The following ARHGAP8 variants were observed in gnomAD, a reference collection of about 807,000 sequenced individuals.
ARHGAP8 encodes the protein rho GTPase-activating protein 8.
ARHGAP8 carries 62 observed loss-of-function variants against 46.1 expected under a neutral mutation model. That is an observed-to-expected ratio of 1.34 (90% CI 1.10 to 1.66). The LOEUF is 1.66. ARHGAP8 is among the 40% of genes most tolerant of loss of function. ARHGAP8 has a pLI of 0.00. For missense variants in ARHGAP8, 923 were observed against 568.4 expected, an observed-to-expected ratio of 1.62 and a Z score of -6.34; for synonymous variants, 375 against 243.1, an observed-to-expected ratio of 1.54 and a Z score of -5.05.
intron 1 of ARHGAP8, among the ~76,000 whole-genome samples, chr22:44,759,643 A>G (rs1924972327): frequency 6.6e-6 from 1 of 152,064 alleles, no homozygotes; most frequent in South Asian, 2.1e-4. Context: ...AGACTCTCAC[A>G]GTGGTTCTGT....
chr22:44,797,298 G>A (rs1308595013), intron 2 of ARHGAP8, among the ~76,000 whole-genome samples: 1 of 143,460 alleles, frequency 7.0e-6, no homozygotes, highest in Non-Finnish European at 1.5e-5. Context: ...TGTTTCTTCA[G>A]TAGCCTTATA....
At chr22:44,849,799 A>G (rs1182110182) in intron 10 of ARHGAP8, 1 of 152,198 alleles carries the variant, frequency 6.6e-6, no homozygotes, top group Non-Finnish European at 1.5e-5. Flanking sequence ...CAAATCTTGA[A>G]TCTTAAAATC....
chr22:44,835,972 C>G (rs926382005), intron 7 of ARHGAP8, among the ~76,000 whole-genome samples: 1 of 152,178 alleles, frequency 6.6e-6, no homozygotes, highest in African/African-American at 2.4e-5. Context: ...GGGTGGGACA[C>G]TGGCCTCCCA....
intron 11 of ARHGAP8, among the ~76,000 whole-genome samples, chr22:44,860,487 G>GC (rs1601536498): frequency 6.6e-6 from 1 of 151,882 alleles, no homozygotes; most frequent in East Asian, 1.9e-4. Flanking sequence ...TGGACCCCCT[G>GC]CCATATGTCA....
chr22:44,837,768 G>T (rs532768747), intron 7 of ARHGAP8, among the ~76,000 whole-genome samples: 1 of 152,100 alleles, frequency 6.6e-6, no homozygotes, highest in East Asian at 1.9e-4. Context: ...ATTCGATGCC[G>T]GGGCCCTGTT....
intron 1 of ARHGAP8, among the ~76,000 whole-genome samples, chr22:44,756,072 C>T (rs999346819): frequency 6.7e-6 from 1 of 150,344 alleles, no homozygotes; most frequent in African/African-American, 2.4e-5. Context: ...TTGTTTAGAG[C>T]CTGCTCCTTC....
At chr22:44,806,683 G>A (rs986557458) in intron 3 of ARHGAP8, among the ~76,000 whole-genome samples, 3 of 152,080 alleles carry the variant, frequency 2.0e-5, no homozygotes, top group East Asian at 1.9e-4. Context: ...GGCCGGGCAC[G>A]GTGGCTCATG....
Position 44,849,015 on chromosome 22 carries a change from C to T in ARHGAP8, c.832C>T (p.Pro278Ser). Reference sequence around the variant, plus strand: ...GACCTTCCTGCGAGAGCTGCCCCAGCCGCTTCTGACCTTCCAGGCCTACGA... The same window carrying T: ...GACCTTCCTGCGAGAGCTGCCCCAGTCGCTTCTGACCTTCCAGGCCTACGA... ...LKTFLRELPQ[P>S]LLTFQAYEQI... Residue 278 changes from proline (P) to serine (S), a missense_variant, in exon 10 of 12, where the codon CCG (proline) becomes TCG (serine). Coordinates refer to ENST00000356099, the MANE Select transcript of ARHGAP8 (RefSeq NM_181335.3). The T allele has an allele frequency of 6.2e-7, 1 of 1,614,032 alleles. No individual in the cohort carries two copies. Among genetic ancestry groups the T allele is most frequent in the Non-Finnish European group, 8.5e-7 (1 of 1,179,934 alleles).
At chr22:44,779,717 G>T (rs1926702120) in intron 1 of ARHGAP8, among the ~76,000 whole-genome samples, 1 of 151,430 alleles carries the variant, frequency 6.6e-6, no homozygotes, top group African/African-American at 2.4e-5. Flanking sequence ...GTGAGCCATG[G>T]GCCACCACGC....
rs779904514 is a variant in ARHGAP8, at chr22:44,862,279, C to A, written c.986C>A (p.Ser329Tyr). The change falls in exon 12 of 12, where the codon TCC becomes TAC. Residue 329 changes from serine (S) to tyrosine (Y), a missense_variant. Coordinates refer to ENST00000356099, the MANE Select transcript of ARHGAP8 (RefSeq NM_181335.3). ...RYLMGFLHAVSRESIFNKMNS... is the reference protein window; with the variant it reads ...RYLMGFLHAVYRESIFNKMNS... ...CTTGTGTGTGGTTTCCTCCAGGTGTCCCGGGAGAGCATCTTCAACAAAATG... is the reference window on the plus strand; with the variant it reads ...CTTGTGTGTGGTTTCCTCCAGGTGTACCGGGAGAGCATCTTCAACAAAATG... 6.3e-7 allele frequency: 1 copy of A among 1,590,140 alleles called. No individual in the cohort carries two copies.
intron 10 of ARHGAP8, chr22:44,850,027 A>G (rs2070055584): frequency 1.3e-5 from 2 of 152,210 alleles, no homozygotes; most frequent in Admixed American, 1.3e-4. Flanking sequence ...AGAAAGACCA[A>G]TTACATGGTT....
chr22:44,791,008 C>T (rs1037091409), intron 2 of ARHGAP8, among the ~76,000 whole-genome samples: 2 of 152,130 alleles, frequency 1.3e-5, no homozygotes, highest in Admixed American at 6.5e-5. Context: ...GCCAGGATTA[C>T]AGGCGTGAGC....
At chr22:44,816,470 A>C (rs1198700040) in intron 5 of ARHGAP8, among the ~76,000 whole-genome samples, 5 of 151,668 alleles carry the variant, frequency 3.3e-5, no homozygotes, top group Non-Finnish European at 7.4e-5. Context: ...TCTTAATGTG[A>C]CTGGTACTCA....
At chr22:44,808,703 C>G (rs533187056) in intron 4 of ARHGAP8, 6 of 627,036 alleles carry the variant, frequency 9.6e-6, no homozygotes, top group Admixed American at 2.2e-5. Context: ...ATGGCTCACA[C>G]CTGTAATCCC....
chr22:44,845,126 A>G, intron 7 of ARHGAP8, 143 bp from the exon 8 acceptor site: 1 of 917,974 alleles, frequency 1.1e-6, no homozygotes, highest in Non-Finnish European at 1.6e-6. Context: ...CTACTTCCTG[A>G]GGGCTGAGCC....
intron 10 of ARHGAP8, among the ~76,000 whole-genome samples, chr22:44,852,215 AAAGG>A (rs2070113777): frequency 1.4e-5 from 2 of 140,452 alleles, no homozygotes; most frequent in East Asian, 2.2e-4. Context: ...AAAAAAAAAA[AAAGG>A]AAGGGAGGAA....
chr22:44,824,001 A>C (rs992268007), intron 6 of ARHGAP8, among the ~76,000 whole-genome samples: 20 of 152,164 alleles, frequency 1.3e-4, no homozygotes, highest in African/African-American at 4.6e-4. Flanking sequence ...CCCAGAGGAC[A>C]CGTCCAATGC....
chr22:44,754,077 A>C (rs1451859925), intron 1 of ARHGAP8, among the ~76,000 whole-genome samples: 2 of 152,206 alleles, frequency 1.3e-5, no homozygotes. Context: ...TCTTGTGGAC[A>C]GCCAGCTGCC....
At chr22:44,849,379 G>T in intron 10 of ARHGAP8, 1 of 357,880 alleles carries the variant, frequency 2.8e-6, no homozygotes, top group Non-Finnish European at 5.2e-6. Flanking sequence ...TCAAAGTCCT[G>T]CCTGTAACCG....
Sources: gnomAD v4.1 joint callset for allele counts (sites outside exome capture counted in the v4.1 genomes callset) on GRCh38, gnomAD v4.1.1 for gene constraint, MANE v1.5 for transcripts, NCBI Gene and HGNC (gene_info 2026-07-23, HGNC 2026-07-21) for gene names.